The following PATJ variants were observed in gnomAD, a reference collection of about 807,000 sequenced individuals.
PATJ encodes the protein inaD-like protein.
A neutral mutation model predicts 224.9 loss-of-function variants in PATJ; 190 were observed. The observed-to-expected ratio is 0.84, with a 90% confidence interval of 0.75 to 0.95. PATJ has a LOEUF of 0.95. Among genes scored for constraint, PATJ ranks in the 40% least tolerant of loss-of-function variants. The probability of loss-of-function intolerance (pLI) is 0.00; values close to 1 mark genes in which losing one functional copy is unlikely to be tolerated. For missense variants in PATJ, 2,121 were observed against 2,270.3 expected (o/e 0.93, Z 1.34); for synonymous variants, 769 against 820.3 (o/e 0.94, Z 1.07).
intron 14 of PATJ, among the ~76,000 whole-genome samples, chr1:61,819,786 T>C (rs900154513): frequency 6.6e-5 from 10 of 151,942 alleles, no homozygotes; most frequent in Admixed American, 6.6e-4. Context: ...TCTGTAGGAG[T>C]AAGACTGTTT....
chr1:61,815,737 T>C (rs1040334325), intron 14 of PATJ, among the ~76,000 whole-genome samples: 2 of 152,158 alleles, frequency 1.3e-5, no homozygotes, highest in African/African-American at 4.8e-5. Flanking sequence ...TGTTAATAGA[T>C]AAGATTTTCT....
In PATJ at chr1:61,827,503, G is replaced by T. The variant is rs1213930075; in HGVS notation, c.1900G>T (p.Val634Phe). The change falls in exon 16 of 44, where the codon GTT becomes TTT. Residue 634 changes from valine to phenylalanine, a missense_variant. Val to Phe is a conservative substitution (Grantham distance 50). Transcript: ENST00000642238. ...LKEVPPPFTL[V>F]CCRRLFDDEA... is the part of the protein sequence containing the mutation. ...AGAAGTGCCACCCCCTTTTACTTTGGTTTGCTGTCGGAGGTTGTTTGATGA... is the reference window on the plus strand; with the variant it reads ...AGAAGTGCCACCCCCTTTTACTTTGTTTTGCTGTCGGAGGTTGTTTGATGA... 6.2e-7 allele frequency: 1 copy of T among 1,613,930 alleles called. No homozygotes were observed. The highest frequency in any genetic ancestry group is 8.5e-7 in the Non-Finnish European group (1 of 1,180,034).
intron 26 of PATJ, among the ~76,000 whole-genome samples, chr1:61,919,301 AT>A (rs1673927227): frequency 6.7e-6 from 1 of 149,828 alleles, no homozygotes; most frequent in Admixed American, 6.7e-5. Flanking sequence ...AAGGTTATAA[AT>A]TTTTTCTTTC....
At chr1:62,029,347 A>G (rs1648735469) in intron 29 of PATJ, among the ~76,000 whole-genome samples, 1 of 152,194 alleles carries the variant, frequency 6.6e-6, no homozygotes, top group South Asian at 2.1e-4. Context: ...ATAAATTGTC[A>G]TCATGGGCTT....
intron 21 of PATJ, among the ~76,000 whole-genome samples, chr1:61,882,642 C>T (rs1266487703): frequency 1.3e-5 from 2 of 152,140 alleles, no homozygotes. Flanking sequence ...GGCTAGAGTA[C>T]AGTGGTGACA....
Position 61,770,912 on chromosome 1 carries a change from A to G in PATJ, c.525-519A>G, listed in dbSNP as rs1363693325. ...GCAAATAGGAGTGAGACCATGCCTG[A>G]AAAAAAAAAAAAAAAGCTCAGATAT... On this transcript the variant is annotated intron_variant, in intron 5 of 43. Transcript: ENST00000642238. Among the ~76,000 whole-genome samples, 4 of 87,210 alleles carry G rather than the reference A, an allele frequency of 4.6e-5. No individual in the cohort carries two copies. The East Asian group carries it at 7.8e-4, about 17-fold the overall frequency. The allele number at this position is 87,210 out of a possible 152,430, so 57.2% of individuals were successfully genotyped here.
intron 4 of PATJ, among the ~76,000 whole-genome samples, chr1:61,768,777 A>G (rs1217928029): frequency 6.7e-6 from 1 of 150,154 alleles, no homozygotes; most frequent in East Asian, 2.0e-4. Context: ...GTGCATGCCT[A>G]TAGTCCCAGC....
intron 25 of PATJ, among the ~76,000 whole-genome samples, chr1:61,912,659 A>G (rs1050196772): frequency 1.4e-4 from 16 of 117,768 alleles, no homozygotes; most frequent in Non-Finnish European, 2.2e-4. Flanking sequence ...GAGGGAGGGA[A>G]GGAAGGGAGG....
chr1:61,879,722 C>T (rs7536831), intron 21 of PATJ, among the ~76,000 whole-genome samples: 1 of 152,080 alleles, frequency 6.6e-6, no homozygotes, highest in African/African-American at 2.4e-5. Flanking sequence ...GTAAAATTCC[C>T]TCTTTTTCAT....
intron 39 of PATJ, among the ~76,000 whole-genome samples, chr1:62,123,820 A>G (rs1665390293): frequency 9.3e-6 from 1 of 107,984 alleles, no homozygotes; most frequent in South Asian, 3.0e-4. Context: ...TTATTGAACA[A>G]TTAGCATATT....
rs573443277 is a variant in PATJ at position 61,871,181 on chromosome 1, C to A, written c.2836-4062C>A. On this transcript the variant is annotated intron_variant, in intron 20 of 43. Transcript: ENST00000642238. ...AAACTTCTCTATTTGAAAAAAAAAA[C>A]CAGAAAAAAGAAATTCTTGTTTATT... Among the ~76,000 whole-genome samples, 193 of 140,560 alleles carry A rather than the reference C, an allele frequency of 1.4e-3. 1 individual carries two copies. Among genetic ancestry groups the A allele is most frequent in the South Asian group, 7.3e-3 (31 of 4,264 alleles). 92.2% of individuals were successfully genotyped at this position (140,560 alleles called of 152,430 possible). A position where few individuals can be genotyped will look rare whatever the true frequency, so the allele number is the denominator to read the frequency against.
intron 20 of PATJ, among the ~76,000 whole-genome samples, chr1:61,873,948 CT>C (rs1280559387): frequency 6.6e-6 from 1 of 152,146 alleles, no homozygotes; most frequent in Non-Finnish European, 1.5e-5. Flanking sequence ...GCGGGACCCC[CT>C]CTCTTTGCTG....
In PATJ at chr1:62,163,657, CTAATACG is replaced by C. The variant is rs945015484; in HGVS notation, c.*2608_*2614del. 1 of 152,502 alleles carries C rather than the reference CTAATACG, an allele frequency of 6.6e-6. No homozygotes were observed. The highest frequency in any genetic ancestry group is 2.4e-5 in the African/African-American group (1 of 41,440). The allele number at this position is 152,502 out of a possible 1,614,324, so 9.4% of individuals were successfully genotyped here. A position where few individuals can be genotyped will look rare whatever the true frequency, so the allele number is the denominator to read the frequency against. On this transcript the variant is annotated 3_prime_UTR_variant, in exon 44 of 44. Coordinates refer to ENST00000642238, the MANE Select transcript of PATJ (RefSeq NM_001350145.3). ...ATCGGTTCTGTCTCCGCTCACATGACTAATACGTAATTGCCTTTCCAAAAAGATATTT... is the reference window on the plus strand; with the variant it reads ...ATCGGTTCTGTCTCCGCTCACATGACTAATTGCCTTTCCAAAAAGATATTT...
In PATJ at chr1:61,789,658, A is replaced by G. The variant is rs1278767317; in HGVS notation, c.1068+1686A>G. Reference sequence around the variant, plus strand: ...TGAAACCTGACTCTACTAAAAATACAAAGGTTAGCCAGGATTGGTGGCACA... The same window carrying G: ...TGAAACCTGACTCTACTAAAAATACGAAGGTTAGCCAGGATTGGTGGCACA... On this transcript the variant is annotated intron_variant, in intron 8 of 43. Coordinates refer to ENST00000642238, the MANE Select transcript of PATJ (RefSeq NM_001350145.3). Among the ~76,000 whole-genome samples, 3 of 152,056 alleles carry G rather than the reference A, an allele frequency of 2.0e-5. No homozygotes were observed. The East Asian group carries it at 5.8e-4, about 29-fold the overall frequency.
chr1:61,987,683 T>C (rs1557997509), intron 27 of PATJ, among the ~76,000 whole-genome samples: 1 of 152,154 alleles, frequency 6.6e-6, no homozygotes, highest in Non-Finnish European at 1.5e-5. Flanking sequence ...AACCTTTCAG[T>C]CTTATTTCTG....
At chr1:61,948,454 C>T (rs1021786087) in intron 27 of PATJ, among the ~76,000 whole-genome samples, 1 of 152,168 alleles carries the variant, frequency 6.6e-6, no homozygotes, top group African/African-American at 2.4e-5. Context: ...CCAACAGACA[C>T]ATGAAAAAAT....
At chr1:61,952,533 T>TC in intron 27 of PATJ, 1 of 681,514 alleles carries the variant, frequency 1.5e-6, no homozygotes. Flanking sequence ...GCATTTTTCT[T>TC]AAGTAAGAGA....
At chr1:61,842,330 G>C (rs1040437803) in intron 17 of PATJ, among the ~76,000 whole-genome samples, 1 of 152,180 alleles carries the variant, frequency 6.6e-6, no homozygotes, top group Non-Finnish European at 1.5e-5. Context: ...GTTGAACTTT[G>C]CAGGGATTTC....
rs1365443550 is a variant in PATJ at position 61,885,571 on chromosome 1, T to G, written c.3131+1163T>G. ...TGGAGAAATAGGAACACTTTTACAC[T>G]GTTGGTGGGACTATAAACTAGTTCA... On this transcript the variant is annotated intron_variant, in intron 22 of 43. Transcript: ENST00000642238. Among the ~76,000 whole-genome samples, 4 of 152,320 alleles carry G rather than the reference T, an allele frequency of 2.6e-5. No homozygotes were observed. The South Asian group carries it at 6.2e-4, about 24-fold the overall frequency.
Sources: allele counts gnomAD v4.1 joint callset (sites outside exome capture counted in the v4.1 genomes callset), GRCh38; gene constraint gnomAD v4.1.1; transcripts MANE v1.5; gene names NCBI Gene and HGNC (gene_info 2026-07-23, HGNC 2026-07-21).